Variants in ABCC5 observed in about 807,000 individuals in gnomAD.
ABCC5 encodes the protein ATP-binding cassette sub-family C member 5.
A neutral mutation model predicts 160.9 loss-of-function variants in ABCC5; 61 were observed. The observed-to-expected ratio is 0.38, with a 90% CI of 0.31 to 0.47. The LOEUF is 0.47. ABCC5 is among the 20% of genes least tolerant of loss of function. The pLI is 0.99. For missense variants in ABCC5, 1,308 were observed against 1,813.3 expected (o/e 0.72, Z 5.06); for synonymous variants, 666 against 700.6 (o/e 0.95, Z 0.78).
Position 183,947,503 on chromosome 3 carries a change from C to T in ABCC5, c.3235G>A (p.Glu1079Lys). 1 of 1,594,664 alleles carries T rather than the reference C, an allele frequency of 6.3e-7. No individual in the cohort carries two copies. The highest frequency in any genetic ancestry group is 8.6e-7 in the Non-Finnish European group (1 of 1,167,820). Residue 1079 changes from glutamate (E) to lysine (K), a missense_variant, in exon 23 of 30, where the codon GAG becomes AAG. Around this residue, in one of 3 missense-constraint regions of ABCC5, gnomAD observed 1,142 missense variants for 1,527.1 expected, o/e 0.75. Coordinates refer to ENST00000334444, the MANE Select transcript of ABCC5 (RefSeq NM_005688.4). ...KGQEFLHRYQELLDDNQAPFF... is the reference protein window; with the variant it reads ...KGQEFLHRYQKLLDDNQAPFF... ...GGAGCTTGGTTGTCATCCAGCAGCT[C>T]CTGGTATCTGTGAGAAAGACAACAC...
intron 25 of ABCC5, among the ~76,000 whole-genome samples, chr3:183,940,040 A>ACACC (rs1254018022): frequency 1.3e-5 from 2 of 152,166 alleles, no homozygotes; most frequent in East Asian, 3.9e-4. Context: ...CCTAATGGGA[A>ACACC]CCTGAAAAAC....
chr3:183,955,676 AT>A (rs1715818841), intron 17 of ABCC5, among the ~76,000 whole-genome samples: 2 of 124,418 alleles, frequency 1.6e-5, no homozygotes, highest in East Asian at 2.6e-4. Context: ...AGATCTGTGT[AT>A]ATATCACATC....
At chr3:183,992,631 T>C (rs772374150) in intron 2 of ABCC5, among the ~76,000 whole-genome samples, 6 of 151,140 alleles carry the variant, frequency 4.0e-5, no homozygotes, top group Non-Finnish European at 8.8e-5. Flanking sequence ...TAAAAAAAAA[T>C]ACAAAAAATT....
chr3:183,997,960 T>C (rs1278489470), intron 2 of ABCC5, among the ~76,000 whole-genome samples: 1 of 152,122 alleles, frequency 6.6e-6, no homozygotes, highest in Non-Finnish European at 1.5e-5. Flanking sequence ...AATTTTTTTA[T>C]TTTTTGTAGA....
In ABCC5 at chr3:183,949,871, G is replaced by T. The variant is rs754468895; in HGVS notation, c.3109C>A (p.Arg1037=). The T allele has an allele frequency of 6.2e-7, 1 of 1,614,192 alleles. No homozygotes were observed. Among genetic ancestry groups the T allele is most frequent in the East Asian group, 2.2e-5 (1 of 44,882 alleles). The part of the protein sequence containing the change: ...VLHIVSRVLI[R]ELKRLDNITQ... ...ATATTGTCCAGACGCTTCAGCTCCC[G>T]AATCAGGACCCTGGAGAGAGAATGA... The change falls in exon 22 of 30, where the codon CGG becomes AGG. Residue 1037 remains arginine, a synonymous_variant. Coordinates refer to ENST00000334444, the MANE Select transcript of ABCC5 (RefSeq NM_005688.4). The surrounding 1 kb of genome is among the most constrained non-coding windows in gnomAD (Gnocchi z 4.2).
At position 183,951,604 on chromosome 3, in the gene ABCC5, G is replaced by T; in HGVS notation, c.2815-34C>A. ...CAGAGCACAGAGTGGTCAGGGCCCA[G>T]GGACGGCTCTGTTCCTACTGGTCCA... On this transcript the variant is annotated intron_variant, in intron 19 of 29. Transcript: ENST00000334444. The surrounding 1 kb of genome is among the most constrained non-coding windows in gnomAD (Gnocchi z 4.7). The T allele has an allele frequency of 6.2e-7, 1 of 1,610,818 alleles. No individual in the cohort carries two copies. The highest frequency in any genetic ancestry group is 2.2e-5 in the East Asian group (1 of 44,826).
In ABCC5 at chr3:183,978,730, C is replaced by T. The variant is rs1319899608; in HGVS notation, c.1148-79G>A. ...GTTGTTCCTCCACCTCCAAACAAGA[C>T]TCTGTAGGTCTCCAGCCACCCTTCA... is the stretch of plus-strand genomic sequence containing the variant. On this transcript the variant is annotated intron_variant, in intron 8 of 29. Coordinates refer to ENST00000334444, the MANE Select transcript of ABCC5 (RefSeq NM_005688.4). 3 of 1,498,900 alleles carry T rather than the reference C, an allele frequency of 2.0e-6. No individual in the cohort carries two copies. The African/African-American group carries it at 4.2e-5, about 21-fold the overall frequency. The allele number at this position is 1,498,900 out of a possible 1,614,324, so 92.9% of individuals were successfully genotyped here. A position where few individuals can be genotyped will look rare whatever the true frequency, so the allele number is the denominator to read the frequency against.
chr3:183,957,207 C>T (rs1344961264), intron 17 of ABCC5, among the ~76,000 whole-genome samples: 2 of 120,172 alleles, frequency 1.7e-5, no homozygotes, highest in African/African-American at 6.0e-5. Context: ...CATGCTTATC[C>T]GTGTGTATAT....
At chr3:183,933,545 G>A (rs1713388638) in intron 26 of ABCC5, among the ~76,000 whole-genome samples, 1 of 152,126 alleles carries the variant, frequency 6.6e-6, no homozygotes, top group African/African-American at 2.4e-5. Context: ...GGATGAAAAG[G>A]GGCCTCTCTT....
chr3:184,012,462 C>T (rs938545048), intron 2 of ABCC5, among the ~76,000 whole-genome samples: 2 of 152,114 alleles, frequency 1.3e-5, no homozygotes, highest in African/African-American at 2.4e-5. Flanking sequence ...CTCAGTGATC[C>T]CATGAGTCAG....
At chr3:183,972,378 G>A (rs753642498) in intron 10 of ABCC5, among the ~76,000 whole-genome samples, 2 of 152,114 alleles carry the variant, frequency 1.3e-5, no homozygotes, top group African/African-American at 2.4e-5. Context: ...TCACAGCGCC[G>A]CATGTATCTA....
At chr3:184,002,429 A>G (rs939115921) in intron 2 of ABCC5, among the ~76,000 whole-genome samples, 2 of 152,108 alleles carry the variant, frequency 1.3e-5, no homozygotes, top group Non-Finnish European at 2.9e-5. Flanking sequence ...AACAAAAACA[A>G]CAATAACAAA....
At chr3:183,924,794 C>T (rs993890365) in intron 29 of ABCC5, among the ~76,000 whole-genome samples, 2 of 152,162 alleles carry the variant, frequency 1.3e-5, no homozygotes, top group African/African-American at 4.8e-5. Flanking sequence ...AAGAGAGGTA[C>T]AGATACAGTC....
intron 24 of ABCC5, 21 bp downstream of exon 24, chr3:183,945,829 A>C: frequency 6.2e-7 from 1 of 1,607,240 alleles, no homozygotes. Flanking sequence ...GATCACGGTA[A>C]AAGGCCTACA....
intron 16 of ABCC5, 130 bp from the exon 17 acceptor site, chr3:183,959,965 G>T: frequency 3.3e-6 from 2 of 607,664 alleles, no homozygotes; most frequent in South Asian, 2.4e-5. Context: ...TTCTTAAAAG[G>T]GTCACCTATA....
At chr3:183,984,249 C>G (rs1718997007) in intron 5 of ABCC5, 2 of 985,518 alleles carry the variant, frequency 2.0e-6, no homozygotes, top group Admixed American at 1.2e-4. Flanking sequence ...CCTTCTGGGT[C>G]TTTTCAAGTC....
chr3:183,981,821 C>T lies in ABCC5; in HGVS notation c.1053G>A (p.Thr351=), dbSNP rs367585986. 5.8e-5 allele frequency: 94 copies of T among 1,610,914 alleles called. 1 individual carries two copies. Among genetic ancestry groups the T allele is most frequent in the South Asian group, 3.9e-4 (35 of 90,088 alleles). Residue 351 remains threonine, a synonymous_variant, in exon 8 of 30, where the codon ACG becomes ACA. Coordinates refer to ENST00000334444, the MANE Select transcript of ABCC5 (RefSeq NM_005688.4). ...AYFRRKCVAA[T]DERVQKMNEV... Reference sequence around the variant, plus strand: ...CATTCATCTTCTGGACACGTTCATCCGTGGCGGCCACGCATTTTCTCCTGA... The same window carrying T: ...CATTCATCTTCTGGACACGTTCATCTGTGGCGGCCACGCATTTTCTCCTGA...
At chr3:183,970,399 A>G (rs1178994865) in intron 11 of ABCC5, among the ~76,000 whole-genome samples, 4 of 148,702 alleles carry the variant, frequency 2.7e-5, no homozygotes, top group African/African-American at 9.9e-5. Flanking sequence ...AGTTGTAACC[A>G]CACCTGCTCC....
intron 24 of ABCC5, among the ~76,000 whole-genome samples, chr3:183,944,220 C>A (rs1366143995): frequency 6.6e-6 from 1 of 152,042 alleles, no homozygotes; most frequent in Admixed American, 6.5e-5. Flanking sequence ...CATGGCGAAA[C>A]CTATCTCTAC....
Sources: allele counts gnomAD v4.1 joint callset (sites outside exome capture counted in the v4.1 genomes callset), GRCh38; gene constraint gnomAD v4.1.1; regional missense constraint gnomAD v4.1.1; non-coding constraint Gnocchi (gnomAD v3.1); transcripts MANE v1.5; gene names NCBI Gene and HGNC (gene_info 2026-07-23, HGNC 2026-07-21).